Variants in UBXN8 observed in about 807,000 individuals in gnomAD.
UBXN8 encodes UBX domain protein 8.
In UBXN8, 27 loss-of-function variants were observed where a neutral mutation model predicts 32.1. That is an observed-to-expected ratio of 0.84 (90% CI 0.62 to 1.16). The LOEUF (loss-of-function observed/expected upper bound fraction) is 1.16, where lower values mean the gene tolerates loss of function less well. Among genes scored for constraint, UBXN8 ranks in the 50% most tolerant of loss-of-function variants. The pLI is 0.00. For missense variants in UBXN8, 306 were observed against 311.4 expected, an observed-to-expected ratio of 0.98 and a Z score of 0.13; for synonymous variants, 109 against 111.8, an observed-to-expected ratio of 0.98 and a Z score of 0.16.
intron 5 of UBXN8, among the ~76,000 whole-genome samples, chr8:30,759,846 A>G (rs1166273231): frequency 2.6e-5 from 4 of 151,378 alleles, no homozygotes; most frequent in Non-Finnish European, 4.4e-5. Context: ...AGTCCTAGCT[A>G]CTTGGGAGGC....
At position 30,753,125 on chromosome 8, in the gene UBXN8, G is replaced by C. The variant is rs1175598915; in HGVS notation, c.282+20G>C. The C allele has an allele frequency of 6.7e-7, 1 of 1,492,180 alleles. No individual in the cohort carries two copies. The highest frequency in any genetic ancestry group is 1.4e-5 in the African/African-American group (1 of 70,192). The allele number at this position is 1,492,180 out of a possible 1,614,324, so 92.4% of individuals were successfully genotyped here. On this transcript the variant is annotated intron_variant, in intron 3 of 7. Transcript: ENST00000265616. ...GAGAAGGTAAGGCAGAATTTTTAGA[G>C]ACTTTATGCGTAGAGAAATACAAAA...
intron 1 of UBXN8, among the ~76,000 whole-genome samples, chr8:30,738,289 C>T (rs1168155335): frequency 6.6e-6 from 1 of 151,992 alleles, no homozygotes; most frequent in Non-Finnish European, 1.5e-5. Context: ...GGGGCTGAGG[C>T]AGGATTGCTT....
intron 7 of UBXN8, among the ~76,000 whole-genome samples, chr8:30,764,070 A>G (rs1024677579): frequency 6.6e-6 from 1 of 152,208 alleles, no homozygotes; most frequent in African/African-American, 2.4e-5. Context: ...CGAGAAAAAA[A>G]TTTGATCTGT....
At chr8:30,729,319 A>C (rs879848144), upstream of UBXN8, among the ~76,000 whole-genome samples, 3 of 152,206 alleles carry the variant, frequency 2.0e-5, no homozygotes, top group Admixed American at 1.3e-4. Flanking sequence ...AGGAACAGGC[A>C]CTTGGAGTCC....
Position 30,756,905 on chromosome 8 carries a change from T to C in UBXN8, c.528+18T>C. 1.2e-6 allele frequency: 2 copies of C among 1,613,450 alleles called. No individual in the cohort carries two copies. The highest frequency in any genetic ancestry group is 1.7e-6 in the Non-Finnish European group (2 of 1,179,618). On this transcript the variant is annotated intron_variant, in intron 5 of 7. Coordinates refer to ENST00000265616, the MANE Select transcript of UBXN8 (RefSeq NM_005671.4). Reference sequence around the variant, plus strand: ...GCAAGGAGGTAAAGTACTTCATGCCTCTCATTGAATTGTGTCTGTGTGCAG... The same window carrying C: ...GCAAGGAGGTAAAGTACTTCATGCCCCTCATTGAATTGTGTCTGTGTGCAG...
At chr8:30,733,697 C>G (rs1586083210) in intron 1 of UBXN8, 1 of 152,504 alleles carries the variant, frequency 6.6e-6, no homozygotes, top group East Asian at 1.9e-4. Flanking sequence ...CCGTGCCCAG[C>G]CTTATTTTTC....
intron 1 of UBXN8, among the ~76,000 whole-genome samples, chr8:30,747,185 A>T (rs1805383522): frequency 1.4e-5 from 2 of 139,184 alleles, no homozygotes; most frequent in South Asian, 2.5e-4. Context: ...AAACCTTAAA[A>T]TTTTTTTTCT....
At chr8:30,754,907 T>G (rs1413905353) in intron 4 of UBXN8, 120 bp downstream of exon 4, 2 of 1,297,058 alleles carry the variant, frequency 1.5e-6, no homozygotes, top group Non-Finnish European at 2.0e-6. Flanking sequence ...ATAATGATTA[T>G]CAGTTTTTGT....
Position 30,752,186 on chromosome 8 carries a change from G to A in UBXN8, c.211+668G>A, listed in dbSNP as rs115045492. On this transcript the variant is annotated intron_variant, in intron 2 of 7. Coordinates refer to ENST00000265616, the MANE Select transcript of UBXN8 (RefSeq NM_005671.4). ...ATCACAGGCATGAGACACCACACCC[G>A]GCCAATCTACCATTAATCTTGAAAG... is the stretch of plus-strand genomic sequence containing the variant. Among the ~76,000 whole-genome samples, 552 of 152,226 alleles carry A rather than the reference G, an allele frequency of 3.6e-3. 5 individuals are homozygous for A. Among genetic ancestry groups the A allele is most frequent in the African/African-American group, 0.013 (528 of 41,540 alleles).
At chr8:30,739,086 C>T (rs12543324) in intron 1 of UBXN8, among the ~76,000 whole-genome samples, 29,674 of 150,218 alleles carry the variant, frequency 0.2, 4,122 homozygotes, top group African/African-American at 0.32. Context: ...AAAAAGGAGA[C>T]GGAGACCAGA....
upstream of UBXN8, chr8:30,732,321 C>A (rs1322011721): frequency 2.3e-5 from 9 of 398,222 alleles, no homozygotes; most frequent in East Asian, 3.2e-4. Flanking sequence ...ACCTGGAGGA[C>A]TGTGGGTATA....
At chr8:30,761,747 G>A (rs373506287) in intron 6 of UBXN8, among the ~76,000 whole-genome samples, 5 of 152,036 alleles carry the variant, frequency 3.3e-5, no homozygotes, top group Non-Finnish European at 7.4e-5. Context: ...CTAGGCAAAT[G>A]ACTTCAAATT....
At chr8:30,746,479 T>C (rs953667113) in intron 1 of UBXN8, among the ~76,000 whole-genome samples, 30 of 150,346 alleles carry the variant, frequency 2.0e-4, no homozygotes, top group Middle Eastern at 6.8e-3. Flanking sequence ...TGTAAAAACC[T>C]TTATTGTCAA....
In UBXN8 at chr8:30,735,403, CA is replaced by C. The variant is rs1452348685; in HGVS notation, c.622+2100del. Among the ~76,000 whole-genome samples, 9 of 150,192 alleles carry C rather than the reference CA, an allele frequency of 6.0e-5. No individual in the cohort carries two copies. The East Asian group carries it at 1.8e-3, about 29-fold the overall frequency. Reference sequence around the variant, plus strand: ...AGGAAAACCCCGTCTCTACTAAATACAAAAATTAGCCAGAGTGGTGGTGTGT... The same window carrying C: ...AGGAAAACCCCGTCTCTACTAAATACAAAATTAGCCAGAGTGGTGGTGTGT... On this transcript the variant is annotated intron_variant, in intron 1 of 1. Transcript: ENST00000522968.
At chr8:30,749,075 A>C (rs986321026) in intron 1 of UBXN8, among the ~76,000 whole-genome samples, 2 of 152,148 alleles carry the variant, frequency 1.3e-5, no homozygotes, top group Non-Finnish European at 1.5e-5. Flanking sequence ...CTGCTCAAAT[A>C]ATTTTCACTT....
intron 1 of UBXN8, among the ~76,000 whole-genome samples, chr8:30,746,713 C>T (rs1197060962): frequency 2.2e-5 from 3 of 137,668 alleles, no homozygotes; most frequent in Non-Finnish European, 4.7e-5. Context: ...TTAGTAGAGG[C>T]GGGGTTTCGG....
At chr8:30,732,246 T>C (rs1804975880), upstream of UBXN8, 1 of 393,910 alleles carries the variant, frequency 2.5e-6, no homozygotes, top group Non-Finnish European at 4.5e-6. Context: ...AGTACGTTGA[T>C]GACCTTTTGC....
chr8:30,741,828 G>C (rs1366196988), upstream of UBXN8, among the ~76,000 whole-genome samples: 2 of 152,172 alleles, frequency 1.3e-5, no homozygotes, highest in Non-Finnish European at 2.9e-5. Context: ...GGTGGGGAGA[G>C]CTAGCAGTTG....
At chr8:30,735,849 A>C (rs990594143) in intron 1 of UBXN8, among the ~76,000 whole-genome samples, 3 of 152,198 alleles carry the variant, frequency 2.0e-5, no homozygotes, top group Non-Finnish European at 4.4e-5. Context: ...AAAACAAATA[A>C]ACAAAAAAGT....
Sources: allele counts gnomAD v4.1 joint callset (sites outside exome capture counted in the v4.1 genomes callset), GRCh38; gene constraint gnomAD v4.1.1; transcripts MANE v1.5; gene names NCBI Gene and HGNC (gene_info 2026-07-23, HGNC 2026-07-21).